The following MOB3B variants were observed in gnomAD, a reference collection of about 807,000 sequenced individuals.
MOB3B encodes MOB kinase activator 3B, also known as MOB kinase activator-like 2B.
Under a neutral mutation model 18.7 loss-of-function variants are expected in MOB3B, and 7 were observed. The ratio of observed to expected loss-of-function variants is 0.37; its 90% CI spans 0.21 to 0.70. The LOEUF is 0.70. Among genes scored for constraint, MOB3B ranks in the 30% least tolerant of loss-of-function variants. The pLI, the probability that MOB3B is intolerant of heterozygous loss-of-function variation, is 0.52. For synonymous variants in MOB3B, 111 were observed against 99.9 expected (o/e 1.11, Z -0.66); for missense variants, 253 against 281.3 (o/e 0.90, Z 0.72).
At chr9:27,395,916 T>C (rs1321151633) in intron 2 of MOB3B, among the ~76,000 whole-genome samples, 2 of 152,168 alleles carry the variant, frequency 1.3e-5, no homozygotes, top group Non-Finnish European at 2.9e-5. Context: ...TTTAAAGCAC[T>C]CAGCAAGCAG....
chr9:27,503,106 T>G (rs187325854), intron 1 of MOB3B, among the ~76,000 whole-genome samples: 1 of 152,266 alleles, frequency 6.6e-6, no homozygotes, highest in East Asian at 1.9e-4. Context: ...TTCAGGCATC[T>G]AATTCTCCTC....
At chr9:27,359,320 G>T in intron 2 of MOB3B, 84 bp from the exon 3 acceptor site, 1 of 1,229,438 alleles carries the variant, frequency 8.1e-7, no homozygotes, top group Non-Finnish European at 1.2e-6. Context: ...AACTGTCTGA[G>T]GGCAATGCTA....
At chr9:27,340,613 G>A (rs1820926113) in intron 3 of MOB3B, among the ~76,000 whole-genome samples, 1 of 151,444 alleles carries the variant, frequency 6.6e-6, no homozygotes, top group South Asian at 2.1e-4. Context: ...TTTTTTTTTA[G>A]CACCCTGTCT....
At chr9:27,411,302 T>C (rs1397099513) in intron 2 of MOB3B, among the ~76,000 whole-genome samples, 1 of 152,202 alleles carries the variant, frequency 6.6e-6, no homozygotes, top group Non-Finnish European at 1.5e-5. Flanking sequence ...TCCAGCTCTC[T>C]CTTCATCCCA....
At chr9:27,502,825 G>A (rs1820009212) in intron 1 of MOB3B, among the ~76,000 whole-genome samples, 1 of 152,218 alleles carries the variant, frequency 6.6e-6, no homozygotes, top group South Asian at 2.1e-4. Context: ...TAAAGAGAAT[G>A]TCACAGGAAA....
intron 2 of MOB3B, among the ~76,000 whole-genome samples, chr9:27,400,272 T>C (rs1485251893): frequency 2.0e-5 from 3 of 152,348 alleles, no homozygotes; most frequent in South Asian, 2.1e-4. Flanking sequence ...GTATTGTTAA[T>C]TGTAGATACA....
chr9:27,342,523 G>GCTGGA (rs1438625573), intron 3 of MOB3B, among the ~76,000 whole-genome samples: 1 of 151,880 alleles, frequency 6.6e-6, no homozygotes, highest in African/African-American at 2.4e-5. Context: ...GAAAGCCAAG[G>GCTGGA]CTGGACTGTA....
intron 3 of MOB3B, among the ~76,000 whole-genome samples, chr9:27,337,598 C>T (rs894459183): frequency 1.3e-5 from 2 of 152,208 alleles, no homozygotes; most frequent in African/African-American, 4.8e-5. Flanking sequence ...TCCCTCTGGA[C>T]TGGGTAGTTT....
Position 27,363,335 on chromosome 9 carries a change from C to T in MOB3B, c.419-4099G>A, listed in dbSNP as rs186355212. Among the ~76,000 whole-genome samples the T allele has an allele frequency of 5.8e-3, 883 of 152,254 alleles. 5 individuals are homozygous for T. Among genetic ancestry groups the T allele is most frequent in the African/African-American group, 0.02 (835 of 41,556 alleles). On this transcript the variant is annotated intron_variant, in intron 2 of 3. Coordinates refer to ENST00000262244, the MANE Select transcript of MOB3B (RefSeq NM_024761.5). ...CTTTCGCCCAGTACAGTGGCAGGAT[C>T]GTGGCTCACTGCAAGCTCCGCCTCC...
At chr9:27,439,208 G>C (rs1366514905) in intron 2 of MOB3B, among the ~76,000 whole-genome samples, 2 of 152,092 alleles carry the variant, frequency 1.3e-5, no homozygotes, top group East Asian at 3.9e-4. Flanking sequence ...GAGTAAAGAG[G>C]AAAGGCAAAC....
At chr9:27,472,466 G>A (rs138864331) in intron 1 of MOB3B, among the ~76,000 whole-genome samples, 25 of 152,148 alleles carry the variant, frequency 1.6e-4, no homozygotes, top group African/African-American at 5.5e-4. Flanking sequence ...CACATCCACT[G>A]ACTTCTTTTT....
At chr9:27,391,317 C>G (rs1821724510) in intron 2 of MOB3B, among the ~76,000 whole-genome samples, 1 of 152,134 alleles carries the variant, frequency 6.6e-6, no homozygotes, top group Non-Finnish European at 1.5e-5. Flanking sequence ...TATATCTGAT[C>G]TTGGTGAAGT....
At chr9:27,496,526 G>C (rs1360289391) in intron 1 of MOB3B, among the ~76,000 whole-genome samples, 2 of 152,176 alleles carry the variant, frequency 1.3e-5, no homozygotes, top group African/African-American at 2.4e-5. Context: ...ACATGTAAAA[G>C]TTTAGTTCTA....
intron 3 of MOB3B, among the ~76,000 whole-genome samples, chr9:27,341,552 A>G (rs1820941501): frequency 6.6e-6 from 1 of 152,216 alleles, no homozygotes; most frequent in Non-Finnish European, 1.5e-5. Flanking sequence ...TAGACATGAA[A>G]CAAAACTAAA....
chr9:27,394,893 T>C (rs1404722923), intron 2 of MOB3B, among the ~76,000 whole-genome samples: 3 of 152,220 alleles, frequency 2.0e-5, no homozygotes, highest in African/African-American at 7.2e-5. Context: ...TTTCATGTAT[T>C]GAGAGTCATG....
At chr9:27,378,968 GCCTCCT>G (rs1257949651) in intron 2 of MOB3B, among the ~76,000 whole-genome samples, 1 of 152,148 alleles carries the variant, frequency 6.6e-6, no homozygotes, top group Non-Finnish European at 1.5e-5. Flanking sequence ...GCTCTGTTCT[GCCTCCT>G]CAGGGTCAGA....
At chr9:27,500,221 G>T (rs960684163) in intron 1 of MOB3B, among the ~76,000 whole-genome samples, 6 of 152,040 alleles carry the variant, frequency 3.9e-5, no homozygotes, top group African/African-American at 7.2e-5. Flanking sequence ...GTGCTGGGTT[G>T]GGGGGTGGGG....
chr9:27,473,998 C>T (rs946571986), intron 1 of MOB3B, among the ~76,000 whole-genome samples: 5 of 152,190 alleles, frequency 3.3e-5, no homozygotes, highest in African/African-American at 9.6e-5. Context: ...AGGGCCCACA[C>T]CAGAACCCAA....
At chr9:27,479,549 A>T (rs1819614902) in intron 1 of MOB3B, among the ~76,000 whole-genome samples, 2 of 152,208 alleles carry the variant, frequency 1.3e-5, no homozygotes, top group Admixed American at 6.5e-5. Context: ...AATAACTTCG[A>T]TATGAAGGAA....
Sources: gnomAD v4.1 joint callset for allele counts (sites outside exome capture counted in the v4.1 genomes callset) on GRCh38, gnomAD v4.1.1 for gene constraint, MANE v1.5 for transcripts, NCBI Gene and HGNC (gene_info 2026-07-23, HGNC 2026-07-21) for gene names.